Variants in MYO1B observed in about 807,000 individuals in gnomAD.
MYO1B encodes unconventional myosin-Ib.
MYO1B carries 72 observed loss-of-function variants against 159.7 expected under a neutral mutation model. That is an observed-to-expected ratio of 0.45 (90% CI 0.37 to 0.55). The LOEUF is 0.55. Among genes scored for constraint, MYO1B ranks in the 20% least tolerant of loss-of-function variants. MYO1B has a pLI of 0.00. For synonymous variants in MYO1B, 468 were observed against 473.8 expected (o/e 0.99, Z 0.16); for missense variants, 1,062 against 1,364.8 (o/e 0.78, Z 3.50).
At chr2:191,269,236 A>G (rs1687318331) in intron 1 of MYO1B, among the ~76,000 whole-genome samples, 2 of 152,156 alleles carry the variant, frequency 1.3e-5, no homozygotes, top group Admixed American at 6.5e-5. Flanking sequence ...TGTACCTTAT[A>G]TAAGTGGGAT....
chr2:191,266,485 C>G (rs1687148671), intron 1 of MYO1B, among the ~76,000 whole-genome samples: 1 of 152,104 alleles, frequency 6.6e-6, no homozygotes, highest in Non-Finnish European at 1.5e-5. Context: ...TGCTGCAAGC[C>G]TTCTGTAATA....
intron 6 of MYO1B, among the ~76,000 whole-genome samples, chr2:191,347,610 A>G (rs1692650314): frequency 6.6e-6 from 1 of 152,368 alleles, no homozygotes; most frequent in East Asian, 1.9e-4. Context: ...AAGGCTTGGC[A>G]GGTGATTTGG....
intron 3 of MYO1B, among the ~76,000 whole-genome samples, chr2:191,317,640 CA>C (rs1210046131): frequency 1.3e-5 from 2 of 152,128 alleles, no homozygotes; most frequent in Non-Finnish European, 1.5e-5. Flanking sequence ...CCCTCCACCC[CA>C]CATTTTGACT....
chr2:191,280,920 G>A (rs1333598500), intron 2 of MYO1B, among the ~76,000 whole-genome samples: 1 of 152,188 alleles, frequency 6.6e-6, no homozygotes, highest in African/African-American at 2.4e-5. Flanking sequence ...GCGCCCAATG[G>A]CTTGCTTCTC....
intron 15 of MYO1B, among the ~76,000 whole-genome samples, chr2:191,385,168 T>A (rs180868973): frequency 4.9e-4 from 75 of 152,338 alleles, no homozygotes; most frequent in Non-Finnish European, 8.7e-4. Flanking sequence ...TCCTGACTTC[T>A]GATTCAGTTT....
chr2:191,408,087 C>T lies in MYO1B; in HGVS notation c.2557-28C>T, dbSNP rs768916529. Reference sequence around the variant, plus strand: ...GGACCTGTACCAGCCACACATTAACCACTGTAACCTACATCTTCTTTTTAA... The same window carrying T: ...GGACCTGTACCAGCCACACATTAACTACTGTAACCTACATCTTCTTTTTAA... On this transcript the variant is annotated intron_variant, in intron 24 of 30. Transcript: ENST00000392318. The T allele has an allele frequency of 4.6e-5, 70 of 1,518,756 alleles. No homozygotes were observed. In the Admixed American group the frequency reaches 9.7e-4, roughly 21 times the overall value. 94.1% of individuals were successfully genotyped at this position (1,518,756 alleles called of 1,614,324 possible).
chr2:191,290,878 A>G (rs1350135028), intron 2 of MYO1B, among the ~76,000 whole-genome samples: 2 of 152,226 alleles, frequency 1.3e-5, no homozygotes, highest in Non-Finnish European at 2.9e-5. Flanking sequence ...AAGGTGAAAT[A>G]GAAGATAAGC....
intron 11 of MYO1B, among the ~76,000 whole-genome samples, chr2:191,364,825 G>T (rs751872872): frequency 2.0e-5 from 3 of 150,386 alleles, no homozygotes; most frequent in Non-Finnish European, 4.4e-5. Flanking sequence ...TTATTAGAGG[G>T]TAGAGGCTAC....
At chr2:191,318,330 T>C (rs1690485202) in intron 3 of MYO1B, among the ~76,000 whole-genome samples, 1 of 152,198 alleles carries the variant, frequency 6.6e-6, no homozygotes, top group South Asian at 2.1e-4. Context: ...GCTTTTAGGA[T>C]TTGATTCTGT....
intron 17 of MYO1B, chr2:191,387,661 A>T: frequency 3.4e-6 from 2 of 590,808 alleles, no homozygotes; most frequent in Non-Finnish European, 6.0e-6. Flanking sequence ...AGTGTGGTGG[A>T]GAAGATAGTA....
chr2:191,291,867 AT>A (rs1688706514), intron 2 of MYO1B, among the ~76,000 whole-genome samples: 1 of 152,212 alleles, frequency 6.6e-6, no homozygotes, highest in South Asian at 2.1e-4. Context: ...TGAATGTAGA[AT>A]TGGTAGCTAC....
intron 15 of MYO1B, among the ~76,000 whole-genome samples, chr2:191,385,440 T>G (rs771631136): frequency 2.0e-5 from 3 of 152,230 alleles, no homozygotes; most frequent in Non-Finnish European, 4.4e-5. Context: ...GTTTCCTTCT[T>G]AGGAGTGAAT....
intron 1 of MYO1B, chr2:191,246,069 G>C (rs1036562448): frequency 1.3e-5 from 2 of 152,404 alleles, no homozygotes; most frequent in Admixed American, 1.3e-4. Context: ...GCGTCCTGGG[G>C]AGTGGGGTTC....
chr2:191,270,689 C>T (rs1025323926), intron 1 of MYO1B, among the ~76,000 whole-genome samples: 5 of 152,224 alleles, frequency 3.3e-5, no homozygotes, highest in African/African-American at 1.2e-4. Flanking sequence ...CTTGGCTCCT[C>T]TTTTGCCTTT....
chr2:191,343,819 T>G (rs1478188717), intron 5 of MYO1B, among the ~76,000 whole-genome samples: 1 of 152,226 alleles, frequency 6.6e-6, no homozygotes, highest in Non-Finnish European at 1.5e-5. Flanking sequence ...TTATCTTTTA[T>G]GGGAATGCTT....
intron 2 of MYO1B, among the ~76,000 whole-genome samples, chr2:191,285,826 T>C (rs1027724276): frequency 6.6e-6 from 1 of 152,104 alleles, no homozygotes; most frequent in Non-Finnish European, 1.5e-5. Flanking sequence ...TTGGGTTGTG[T>C]TGGTTCATGA....
At chr2:191,352,729 A>G (rs756686750) in intron 7 of MYO1B, among the ~76,000 whole-genome samples, 1 of 152,196 alleles carries the variant, frequency 6.6e-6, no homozygotes, top group South Asian at 2.1e-4. Context: ...GAAAAGGAAT[A>G]CATTAGTGGT....
At position 191,360,728 on chromosome 2, in the gene MYO1B, C is replaced by T; in HGVS notation, c.660C>T (p.Leu220=). 2 of 1,595,522 alleles carry T rather than the reference C, an allele frequency of 1.3e-6. No individual in the cohort carries two copies. The highest frequency in any genetic ancestry group is 1.7e-6 in the Non-Finnish European group (2 of 1,166,060). The change falls in exon 8 of 31, where the codon CTC becomes CTT. Residue 220 remains leucine, a splice_region_variant and synonymous_variant. Transcript: ENST00000392318. ...QLLSGASEEL[L]NKLKLERDFS... is the part of the protein sequence containing the mutation. Reference sequence around the variant, plus strand: ...TCTCTGGTGCCTCTGAAGAGCTCCTCAGTAAGTCTCTGTTTCTATGTGGTG... The same window carrying T: ...TCTCTGGTGCCTCTGAAGAGCTCCTTAGTAAGTCTCTGTTTCTATGTGGTG...
At position 191,276,975 on chromosome 2, in the gene MYO1B, A is replaced by G. The variant is rs769169945; in HGVS notation, c.80A>G (p.Asn27Ser). ...GATATGGTTCTTTTAGAACCTCTCA[A>G]TGAGGAGACCTTCATCAACAACCTC... ...VGDMVLLEPL[N>S]EETFINNLKK... Residue 27 changes from asparagine to serine, a missense_variant, in exon 2 of 31, where the codon AAT (asparagine) becomes AGT (serine). Transcript: ENST00000392318. 2 of 1,614,082 alleles carry G rather than the reference A, an allele frequency of 1.2e-6. No individual in the cohort carries two copies. The highest frequency in any genetic ancestry group is 2.2e-5 in the East Asian group (1 of 44,884).
Sources: gnomAD v4.1 joint callset for allele counts (sites outside exome capture counted in the v4.1 genomes callset) on GRCh38, gnomAD v4.1.1 for gene constraint, MANE v1.5 for transcripts, NCBI Gene and HGNC (gene_info 2026-07-23, HGNC 2026-07-21) for gene names.